The following ACTR6 variants were observed in gnomAD, a reference collection of about 807,000 sequenced individuals.
ACTR6 encodes the protein actin related protein 6.
Under a neutral mutation model 52.5 loss-of-function variants are expected in ACTR6, and 50 were observed. The observed-to-expected ratio is 0.95, with a 90% CI of 0.76 to 1.20. The LOEUF is 1.20. Ranked by LOEUF, ACTR6 falls within the 50% of genes most tolerant of loss-of-function variation. The pLI is 0.00. For synonymous variants in ACTR6, 135 were observed against 147.2 expected, an observed-to-expected ratio of 0.92 and a Z score of 0.60; for missense variants, 344 against 472.4, an observed-to-expected ratio of 0.73 and a Z score of 2.52.
intron 5 of ACTR6, 43 bp from the exon 6 acceptor site, chr12:100,210,252 G>A: frequency 6.2e-7 from 1 of 1,607,794 alleles, no homozygotes; most frequent in South Asian, 1.1e-5. Context: ...AGATTAAACA[G>A]AATGATATGT....
chr12:100,201,788 A>AT (rs745443189), intron 1 of ACTR6, among the ~76,000 whole-genome samples: 21 of 152,072 alleles, frequency 1.4e-4, no homozygotes, highest in African/African-American at 4.8e-4. Flanking sequence ...CTCCCAGCGA[A>AT]TTTTTTGTAT....
rs984154208 is a variant in ACTR6, at chr12:100,220,207, T to A, written c.1061+61T>A. On this transcript the variant is annotated intron_variant, in intron 10 of 10. Coordinates refer to ENST00000188312, the MANE Select transcript of ACTR6 (RefSeq NM_022496.5). ...GTCCACATGTAGAAAAGGTGGTCTGTTGACTTGAGTTTAAAACCTGGCTCT... is the reference window on the plus strand; with the variant it reads ...GTCCACATGTAGAAAAGGTGGTCTGATGACTTGAGTTTAAAACCTGGCTCT... 5 of 1,528,630 alleles carry A rather than the reference T, an allele frequency of 3.3e-6. No individual in the cohort carries two copies. In the African/African-American group the frequency reaches 6.8e-5, roughly 21 times the overall value. 94.7% of individuals were successfully genotyped at this position (1,528,630 alleles called of 1,614,324 possible).
chr12:100,220,268 T>G, intron 10 of ACTR6, 122 bp downstream of exon 10: 1 of 929,560 alleles, frequency 1.1e-6, no homozygotes, highest in Non-Finnish European at 1.6e-6. Flanking sequence ...TGCTGAATAT[T>G]CATTTTTCTT....
intron 10 of ACTR6, among the ~76,000 whole-genome samples, chr12:100,220,713 G>A (rs1034855299): frequency 2.0e-5 from 3 of 152,098 alleles, no homozygotes; most frequent in Admixed American, 1.3e-4. Context: ...ACTAAGGTAG[G>A]GCCAGGCGCA....
intron 10 of ACTR6, among the ~76,000 whole-genome samples, chr12:100,222,473 G>A (rs1222450296): frequency 6.6e-6 from 1 of 151,896 alleles, no homozygotes; most frequent in East Asian, 1.9e-4. Context: ...GCTCAGGCTG[G>A]TCTTGAACTC....
chr12:100,203,252 C>T (rs1324698410), intron 1 of ACTR6, among the ~76,000 whole-genome samples: 1 of 152,152 alleles, frequency 6.6e-6, no homozygotes, highest in Non-Finnish European at 1.5e-5. Context: ...GGTTGGGGAT[C>T]CCTGCCCTAT....
At chr12:100,210,034 G>C in intron 4 of ACTR6, 39 bp from the exon 5 acceptor site, 1 of 1,536,752 alleles carries the variant, frequency 6.5e-7, no homozygotes. Flanking sequence ...TTAAATTAGT[G>C]TTATATTTTT....
At chr12:100,219,161 A>T (rs77097363) in intron 9 of ACTR6, among the ~76,000 whole-genome samples, 94 of 91,226 alleles carry the variant, frequency 1.0e-3, no homozygotes, top group Non-Finnish European at 1.6e-3. Context: ...TCCTCTCATT[A>T]AAAAAAAAAA....
rs2153899703 is a variant in ACTR6, at chr12:100,200,881, T to G, written c.30T>G (p.Ala10=). The G allele has an allele frequency of 6.2e-7, 1 of 1,614,106 alleles. No individual in the cohort carries two copies. The highest frequency in any genetic ancestry group is 2.2e-5 in the East Asian group (1 of 44,864). Residue 10 remains alanine, a synonymous_variant, in exon 1 of 11, where the codon GCT becomes GCG. Transcript: ENST00000188312. The part of the protein sequence containing the change: MTTLVLDNG[A]YNAKIGYSHE... The stretch of plus-strand genomic sequence containing the variant: ...CGACCTTAGTGCTGGATAATGGAGC[T>G]TACAACGCCAAAATCGGTTACAGCC...
intron 3 of ACTR6, chr12:100,206,359 T>G (rs1218255714): frequency 2.6e-5 from 4 of 152,166 alleles, no homozygotes; most frequent in African/African-American, 9.7e-5. Context: ...ACACCTGTAG[T>G]CCTAGCTACT....
Position 100,223,770 on chromosome 12 carries a change from A to G in ACTR6, c.1062-16A>G. 1 of 1,598,178 alleles carries G rather than the reference A, an allele frequency of 6.3e-7. No homozygotes were observed. Among genetic ancestry groups the G allele is most frequent in the Non-Finnish European group, 8.5e-7 (1 of 1,175,522 alleles). ...CCTGTAAAATCATCTGGGTTCATTT[A>G]TACCTTTATTTTCAGCCCTATTACT... On this transcript the variant is annotated splice_polypyrimidine_tract_variant and intron_variant, in intron 10 of 10. Coordinates refer to ENST00000188312, the MANE Select transcript of ACTR6 (RefSeq NM_022496.5).
rs753628969 is a variant in ACTR6, at chr12:100,212,543, C to T, written c.750+15C>T. ...GCTTTTGTAAGGTAATTTTTAAAAA[C>T]CATCAATGGTTGGTTGCTGCGGCTC... On this transcript the variant is annotated intron_variant, in intron 8 of 10. Transcript: ENST00000188312. The T allele has an allele frequency of 5.6e-6, 9 of 1,595,976 alleles. No individual in the cohort carries two copies. The highest frequency in any genetic ancestry group is 7.7e-6 in the Non-Finnish European group (9 of 1,163,822).
intron 3 of ACTR6, 35 bp downstream of exon 3, chr12:100,205,779 C>A: frequency 8.3e-7 from 1 of 1,209,702 alleles, no homozygotes; most frequent in Admixed American, 2.6e-5. Context: ...AATTCTATTT[C>A]CATGTTTAAT....
chr12:100,215,448 C>G (rs1378162837), intron 8 of ACTR6, among the ~76,000 whole-genome samples: 2 of 152,184 alleles, frequency 1.3e-5, no homozygotes, highest in Non-Finnish European at 2.9e-5. Flanking sequence ...CATTACTTTA[C>G]TCATCTTTAG....
chr12:100,213,197 ATCT>A (rs1417766567), intron 8 of ACTR6, among the ~76,000 whole-genome samples: 1 of 151,874 alleles, frequency 6.6e-6, no homozygotes, highest in Non-Finnish European at 1.5e-5. Flanking sequence ...GGCCCAAGTG[ATCT>A]TCCTGTCTCA....
intron 4 of ACTR6, among the ~76,000 whole-genome samples, chr12:100,208,476 T>C (rs908967446): frequency 3.9e-5 from 6 of 151,996 alleles, no homozygotes; most frequent in African/African-American, 1.4e-4. Flanking sequence ...AGTTTAACCA[T>C]GTTGGTCAGG....
intron 8 of ACTR6, among the ~76,000 whole-genome samples, chr12:100,215,065 G>C (rs2096122961): frequency 1.3e-5 from 2 of 152,126 alleles, no homozygotes; most frequent in Admixed American, 1.3e-4. Flanking sequence ...AAGTAATCCT[G>C]ATTTCTACAG....
chr12:100,201,848 C>G (rs1453297483), intron 1 of ACTR6, among the ~76,000 whole-genome samples: 2 of 152,070 alleles, frequency 1.3e-5, no homozygotes, highest in Non-Finnish European at 2.9e-5. Context: ...GTCTCGAGCC[C>G]CTGGCCTCAA....
At chr12:100,202,080 C>T (rs1367951380) in intron 1 of ACTR6, among the ~76,000 whole-genome samples, 1 of 152,048 alleles carries the variant, frequency 6.6e-6, no homozygotes, top group Non-Finnish European at 1.5e-5. Flanking sequence ...TACAGTTGCG[C>T]ACCACCACGC....
Sources: gnomAD v4.1 joint callset for allele counts (sites outside exome capture counted in the v4.1 genomes callset) on GRCh38, gnomAD v4.1.1 for gene constraint, MANE v1.5 for transcripts, NCBI Gene and HGNC (gene_info 2026-07-23, HGNC 2026-07-21) for gene names.